SF3B3: variants seen among roughly 807,000 people sequenced by gnomAD.
SF3B3 encodes SAP 130.
SF3B3 carries 33 observed loss-of-function variants against 139.2 expected under a neutral mutation model. The observed-to-expected ratio is 0.24, with a 90% confidence interval of 0.18 to 0.32. The LOEUF (loss-of-function observed/expected upper bound fraction) is 0.32, where lower values mean the gene tolerates loss of function less well. SF3B3 is among the 10% of genes least tolerant of loss of function. The probability of loss-of-function intolerance (pLI) is 1.00; values close to 1 mark genes in which losing one functional copy is unlikely to be tolerated. For synonymous variants in SF3B3, 596 were observed against 563.6 expected (o/e 1.06, Z -0.81); for missense variants, 818 against 1,509.4 (o/e 0.54, Z 7.59).
At position 70,577,225 on chromosome 16, in the gene SF3B3, G is replaced by C. The variant is rs889152350; in HGVS notation, c.*5412G>C. 3 of 152,334 alleles carry C rather than the reference G, an allele frequency of 2.0e-5. No homozygotes were observed. Among genetic ancestry groups the C allele is most frequent in the Admixed American group, 1.3e-4 (2 of 15,280 alleles). The allele number at this position is 152,334 out of a possible 1,614,324, so 9.4% of individuals were successfully genotyped here. On this transcript the variant is annotated 3_prime_UTR_variant, in exon 26 of 26. Coordinates refer to ENST00000302516, the MANE Select transcript of SF3B3 (RefSeq NM_012426.5). The stretch of plus-strand genomic sequence containing the variant: ...GTTCTGAGGCTTGTCCGCTGACCTG[G>C]GGCTCTGGCCCTGGGAGATCTGGGG...
chr16:70,524,369 C>T (rs2050027727), intron 1 of SF3B3, among the ~76,000 whole-genome samples: 1 of 152,334 alleles, frequency 6.6e-6, no homozygotes, highest in African/African-American at 2.4e-5. Context: ...GTCTCCTCCT[C>T]TGAACCTCTA....
intron 10 of SF3B3, 115 bp from the exon 11 acceptor site, chr16:70,548,255 A>G: frequency 1.2e-6 from 1 of 821,710 alleles, no homozygotes; most frequent in Non-Finnish European, 2.1e-6. Context: ...TTCATCCTTT[A>G]AATACAGCAT....
intron 25 of SF3B3, 29 bp downstream of exon 25, chr16:70,571,228 G>A: frequency 6.7e-7 from 1 of 1,486,794 alleles, no homozygotes; most frequent in Non-Finnish European, 9.4e-7. Context: ...AGCTGAAAAG[G>A]GAGATCTGAG....
chr16:70,541,864 A>C, intron 9 of SF3B3, 30 bp downstream of exon 9: 1 of 1,590,962 alleles, frequency 6.3e-7, no homozygotes, highest in Middle Eastern at 1.7e-4. Flanking sequence ...CCCTTCCACA[A>C]TAGATCTAAA....
rs112712801 is a variant in SF3B3 at position 70,574,621 on chromosome 16, A to C, written c.*2808A>C. 2 of 152,160 alleles carry C rather than the reference A, an allele frequency of 1.3e-5. No homozygotes were observed. Among genetic ancestry groups the C allele is most frequent in the Non-Finnish European group, 1.5e-5 (1 of 68,062 alleles). 9.4% of individuals were successfully genotyped at this position (152,160 alleles called of 1,614,324 possible). A position where few individuals can be genotyped will look rare whatever the true frequency, so the allele number is the denominator to read the frequency against. ...TCAAGCGATCCTCCTTAGCTTCCCA[A>C]ATAGCTGGAACTACAGGCATGTGCC... is the stretch of plus-strand genomic sequence containing the variant. On this transcript the variant is annotated 3_prime_UTR_variant, in exon 26 of 26. Coordinates refer to ENST00000302516, the MANE Select transcript of SF3B3 (RefSeq NM_012426.5).
intron 19 of SF3B3, 33 bp from the exon 20 acceptor site, chr16:70,565,335 A>C (rs1484213074): frequency 1.9e-6 from 3 of 1,613,630 alleles, no homozygotes; most frequent in Non-Finnish European, 1.7e-6. Flanking sequence ...GTTTTGACTA[A>C]GGCCTTACTC....
chr16:70,571,618 C>A, intron 25 of SF3B3, 55 bp from the exon 26 acceptor site: 1 of 1,571,720 alleles, frequency 6.4e-7, no homozygotes, highest in South Asian at 1.2e-5. Context: ...TAGCATGTGC[C>A]ATTTTCTTTG....
At chr16:70,543,759 G>A (rs1042713327) in intron 9 of SF3B3, among the ~76,000 whole-genome samples, 1 of 152,096 alleles carries the variant, frequency 6.6e-6, no homozygotes, top group Non-Finnish European at 1.5e-5. Context: ...GTGTATAGCA[G>A]GGCTTCTTAA....
chr16:70,575,839 A>G lies in SF3B3; in HGVS notation c.*4026A>G, dbSNP rs1431335058. On this transcript the variant is annotated 3_prime_UTR_variant, in exon 26 of 26. Coordinates refer to ENST00000302516, the MANE Select transcript of SF3B3 (RefSeq NM_012426.5). ...TGGGCAGCAGGGGTTTTAGGTCAGG[A>G]AATGGTAGGAAACCTGTAGTTGTGG... 2.0e-5 allele frequency: 3 copies of G among 152,266 alleles called. No homozygotes were observed. The highest frequency in any genetic ancestry group is 2.9e-5 in the Non-Finnish European group (2 of 68,062). The allele number at this position is 152,266 out of a possible 1,614,324, so 9.4% of individuals were successfully genotyped here.
chr16:70,550,045 A>G (rs1479762114), intron 11 of SF3B3, among the ~76,000 whole-genome samples: 1 of 152,088 alleles, frequency 6.6e-6, no homozygotes, highest in Non-Finnish European at 1.5e-5. Flanking sequence ...TGGGGACAGA[A>G]TATCCTGGCT....
rs2050115083 is a variant in SF3B3 at position 70,530,958 on chromosome 16, T to G, written c.570+41T>G. Reference sequence around the variant, plus strand: ...TCTCTTTGCGTTTCTTTCAGTCACCTCAGTGTTTTTTTTTAAGATTGTTTT... The same window carrying G: ...TCTCTTTGCGTTTCTTTCAGTCACCGCAGTGTTTTTTTTTAAGATTGTTTT... On this transcript the variant is annotated intron_variant, in intron 4 of 25. Transcript: ENST00000302516. The G allele has an allele frequency of 1.9e-6, 3 of 1,548,506 alleles. No individual in the cohort carries two copies. The South Asian group carries it at 3.6e-5, about 19-fold the overall frequency.
At position 70,568,306 on chromosome 16, in the gene SF3B3, G is replaced by A. The variant is rs374752319; in HGVS notation, c.2976G>A (p.Gly992=). ...AGCATATTGCCAATTATATCTCTGG[G>A]ATCCAGACTATCGGACATAGGGTAA... ...ENKHIANYIS[G]IQTIGHRVIV... Residue 992 remains glycine (G), a synonymous_variant, in exon 22 of 26, where the codon GGG becomes GGA. Coordinates refer to ENST00000302516, the MANE Select transcript of SF3B3 (RefSeq NM_012426.5). The A allele has an allele frequency of 2.5e-6, 4 of 1,612,454 alleles. No individual in the cohort carries two copies. The highest frequency in any genetic ancestry group is 2.5e-6 in the Non-Finnish European group (3 of 1,178,664).
At chr16:70,560,075 C>T (rs1366334689) in intron 15 of SF3B3, among the ~76,000 whole-genome samples, 2 of 152,158 alleles carry the variant, frequency 1.3e-5, no homozygotes, top group Non-Finnish European at 2.9e-5. Flanking sequence ...CATTCTTGCC[C>T]CTGCCCCAAA....
rs532204676 is a variant in SF3B3 at position 70,530,467 on chromosome 16, G to A, written c.398-278G>A. On this transcript the variant is annotated intron_variant, in intron 3 of 25. Transcript: ENST00000302516. ...CCCAAGTAGCTGGGATTAGAGGCAT[G>A]CACCACCACACCTAGCTAATTTTTT... Among the ~76,000 whole-genome samples, 4 of 152,000 alleles carry A rather than the reference G, an allele frequency of 2.6e-5. No homozygotes were observed. The East Asian group carries it at 7.8e-4, about 30-fold the overall frequency.
At chr16:70,563,854 C>G (rs751126265) in intron 17 of SF3B3, 22 bp from the exon 18 acceptor site, 2 of 1,612,828 alleles carry the variant, frequency 1.2e-6, no homozygotes, top group Middle Eastern at 1.7e-4. Flanking sequence ...TATTAAATAA[C>G]TGCCTTGCTT....
intron 24 of SF3B3, 44 bp downstream of exon 24, chr16:70,570,193 T>G: frequency 1.9e-6 from 3 of 1,604,766 alleles, no homozygotes; most frequent in Non-Finnish European, 2.6e-6. Context: ...TTAAGGTTGT[T>G]TCTTGGTGCT....
At chr16:70,548,534 A>G (rs2050290602) in intron 11 of SF3B3, 92 bp downstream of exon 11, 2 of 1,121,980 alleles carry the variant, frequency 1.8e-6, no homozygotes, top group Non-Finnish European at 2.7e-6. Context: ...CTTCTGTATC[A>G]TTTCATTTAG....
intron 21 of SF3B3, among the ~76,000 whole-genome samples, chr16:70,567,746 C>T (rs796098476): frequency 6.6e-6 from 1 of 152,126 alleles, no homozygotes; most frequent in Admixed American, 6.6e-5. Context: ...AGTGCAGTGG[C>T]GCAATCTCGG....
intron 4 of SF3B3, among the ~76,000 whole-genome samples, chr16:70,531,246 C>T (rs549333897): frequency 1.3e-5 from 2 of 151,914 alleles, no homozygotes; most frequent in African/African-American, 4.8e-5. Flanking sequence ...CCAGCCTGGG[C>T]GACAGAGTGA....
Sources: gnomAD v4.1 joint callset for allele counts (sites outside exome capture counted in the v4.1 genomes callset) on GRCh38, gnomAD v4.1.1 for gene constraint, MANE v1.5 for transcripts, NCBI Gene and HGNC (gene_info 2026-07-23, HGNC 2026-07-21) for gene names.